MEFV: variants seen among roughly 807,000 people sequenced by gnomAD.
MEFV encodes the protein pyrin.
A neutral mutation model predicts 62.5 loss-of-function variants in MEFV; 60 were observed. The ratio of observed to expected loss-of-function variants is 0.96; its 90% CI spans 0.78 to 1.19. The LOEUF (loss-of-function observed/expected upper bound fraction) is 1.19. Among genes scored for constraint, MEFV ranks in the 50% most tolerant of loss-of-function variants. The pLI is 0.00. For synonymous variants in MEFV, 500 were observed against 415.2 expected (o/e 1.20, Z -2.48); for missense variants, 1,169 against 1,004.5 (o/e 1.16, Z -2.21).
At chr16:3,254,956 C>G (rs1318972179) in intron 1 of MEFV, among the ~76,000 whole-genome samples, 166 bp from the exon 2 acceptor site, 6 of 152,120 alleles carry the variant, frequency 3.9e-5, no homozygotes, top group Non-Finnish European at 8.8e-5. Context: ...TCTGGGAGGC[C>G]GAGGCGGGAG....
rs750968749 is a variant in MEFV, at chr16:3,254,480, C to T, written c.588G>A (p.Gly196=). The change falls in exon 2 of 10, where the codon GGG becomes GGA. Residue 196 remains glycine (G), a synonymous_variant. Transcript: ENST00000219596. ...RSPGPCRALE[G]GQAEVRLRRN... Reference sequence around the variant, plus strand: ...TGCGCAGCCGGACCTCGGCCTGGCCCCCCTCTAGCGCCCTGCAGGGGCCGG... The same window carrying T: ...TGCGCAGCCGGACCTCGGCCTGGCCTCCCTCTAGCGCCCTGCAGGGGCCGG... 2.5e-6 allele frequency: 4 copies of T among 1,592,238 alleles called. No homozygotes were observed. The East Asian group carries it at 6.7e-5, about 27-fold the overall frequency.
At chr16:3,251,338 T>G (rs1313952614) in intron 2 of MEFV, among the ~76,000 whole-genome samples, 1 of 152,160 alleles carries the variant, frequency 6.6e-6, no homozygotes, top group Non-Finnish European at 1.5e-5. Context: ...TAGAAACTTC[T>G]AGAGCTTTCC....
rs224225 is a variant in MEFV, at chr16:3,254,762, A to G, written c.306T>C (p.Asp102=). The G allele has an allele frequency of 0.46, 737,360 of 1,612,084 alleles. 175,423 individuals carry two copies. The highest frequency in any genetic ancestry group is 0.6 in the Admixed American group (35,730 of 60,006). ...QEYSTQENGT[D]DSAASSSLGE... The stretch of plus-strand genomic sequence containing the variant: ...CCAGGGAGCTGGACGCTGCGGAATC[A>G]TCTGTGCCGTTTTCTTGTGTGGAAT... Residue 102 remains aspartate, a synonymous_variant, in exon 2 of 10, where the codon GAT becomes GAC. Coordinates refer to ENST00000219596, the MANE Select transcript of MEFV (RefSeq NM_000243.3).
At chr16:3,251,933 G>T in intron 2 of MEFV, 1 of 336,964 alleles carries the variant, frequency 3.0e-6, no homozygotes, top group Non-Finnish European at 6.1e-6. Flanking sequence ...AAATACAGTG[G>T]GGACCTGGTG....
intron 2 of MEFV, 143 bp downstream of exon 2, chr16:3,254,015 C>A: frequency 1.1e-6 from 1 of 900,432 alleles, no homozygotes; most frequent in Non-Finnish European, 1.8e-6. Flanking sequence ...ACTACATTCA[C>A]CAGGCTGGTC....
intron 2 of MEFV, among the ~76,000 whole-genome samples, chr16:3,253,851 G>C (rs1363776833): frequency 6.6e-6 from 1 of 152,140 alleles, no homozygotes; most frequent in Non-Finnish European, 1.5e-5. Flanking sequence ...GGGTCTCACT[G>C]TGTTGCCTAG....
At chr16:3,248,361 G>A (rs1489011048) in intron 4 of MEFV, 1 of 160,918 alleles carries the variant, frequency 6.2e-6, no homozygotes, top group Non-Finnish European at 1.4e-5. Flanking sequence ...GGAGGCCAAG[G>A]CGGGCGGATC....
At position 3,242,881 on chromosome 16, in the gene MEFV, G is replaced by A. The variant is rs935243727; in HGVS notation, c.*260C>T. The A allele has an allele frequency of 3.7e-5, 19 of 515,252 alleles. No individual in the cohort carries two copies. Among genetic ancestry groups the A allele is most frequent in the Non-Finnish European group, 4.2e-5 (12 of 282,922 alleles). The allele number at this position is 515,252 out of a possible 1,614,324, so 31.9% of individuals were successfully genotyped here. A position where few individuals can be genotyped will look rare whatever the true frequency, so the allele number is the denominator to read the frequency against. On this transcript the variant is annotated 3_prime_UTR_variant, in exon 10 of 10. Coordinates refer to ENST00000219596, the MANE Select transcript of MEFV (RefSeq NM_000243.3). ...AGCACCTGAGAGTGCCACCCACCAG[G>A]GGCGGATTATGCAACGACTCCGTAC... is the stretch of plus-strand genomic sequence containing the variant.
In MEFV at chr16:3,254,657, GC is replaced by G. The variant is rs767006697; in HGVS notation, c.410del (p.Gly137AlafsTer22). 5.0e-6 allele frequency: 8 copies of G among 1,609,620 alleles called. No individual in the cohort carries two copies. The Admixed American group carries it at 8.4e-5, about 17-fold the overall frequency. ...NEGNGPRPYG[G>X]GAASLRCSQP... Reference sequence around the variant, plus strand: ...GGCTGCACCGCAGGCTGGCAGCTCCGCCCCCGTACGGCCGAGGGCCGTTCCC... The same window carrying G: ...GGCTGCACCGCAGGCTGGCAGCTCCGCCCCGTACGGCCGAGGGCCGTTCCC... On this transcript the variant is annotated frameshift_variant, in exon 2 of 10. Coordinates refer to ENST00000219596, the MANE Select transcript of MEFV (RefSeq NM_000243.3). LOFTEE classifies it high-confidence loss of function.
chr16:3,252,015 G>A (rs903261934), intron 2 of MEFV: 22 of 413,304 alleles, frequency 5.3e-5, no homozygotes, highest in African/African-American at 1.2e-4. Context: ...TCAGGAGTTC[G>A]AGACCAACCT....
At chr16:3,244,156 T>C (rs1172912953) in intron 8 of MEFV, 98 bp downstream of exon 8, 2 of 1,159,298 alleles carry the variant, frequency 1.7e-6, no homozygotes, top group East Asian at 3.3e-5. Context: ...GGTGTTTGGT[T>C]TTTTTTTTTG....
Position 3,244,468 on chromosome 16 carries a change from T to C in MEFV, c.1726+5A>G. The C allele has an allele frequency of 2.5e-6, 4 of 1,612,586 alleles. No individual in the cohort carries two copies. The highest frequency in any genetic ancestry group is 3.4e-6 in the Non-Finnish European group (4 of 1,178,632). On this transcript the variant is annotated splice_donor_5th_base_variant and intron_variant, in intron 7 of 9. Coordinates refer to ENST00000219596, the MANE Select transcript of MEFV (RefSeq NM_000243.3). ...CACCTCCAATCTTCTCCCAAGCCCA[T>C]CTACCTGAGAAGTACTTTGTGCTCT...
intron 8 of MEFV, 78 bp from the exon 9 acceptor site, chr16:3,243,970 C>G (rs747068192): frequency 1.0e-5 from 16 of 1,585,294 alleles, no homozygotes; most frequent in Admixed American, 5.5e-5. Context: ...GTCCTGACAA[C>G]AAGGAAAGAC....
Position 3,243,841 on chromosome 16 carries a change from C to A in MEFV, c.1792+19G>T. The A allele has an allele frequency of 6.2e-7, 1 of 1,613,650 alleles. No homozygotes were observed. Among genetic ancestry groups the A allele is most frequent in the Non-Finnish European group, 8.5e-7 (1 of 1,179,780 alleles). On this transcript the variant is annotated intron_variant, in intron 9 of 9. Transcript: ENST00000219596. ...GGATCCAGCAGGCCAGGGCCACTTGCCTTGATCTGGGCACTTACCAGCATG... is the reference window on the plus strand; with the variant it reads ...GGATCCAGCAGGCCAGGGCCACTTGACTTGATCTGGGCACTTACCAGCATG...
rs771915984 is a variant in MEFV at position 3,249,601 on chromosome 16, G to A, written c.1090C>T (p.Pro364Ser). Residue 364 changes from proline to serine, a missense_variant, in exon 3 of 10, where the codon CCG becomes TCG. By Grantham distance (74) the Pro-to-Ser change is moderately conservative. Transcript: ENST00000219596. ...AGGGGCTGGGGGCTTAGGCTTCCCG[G>A]GCTCTTCCTTTCATGGGAGTCCTGG... ...RCQDSHERKS[P>S]GSLSPQPLPQ... 6.2e-7 allele frequency: 1 copy of A among 1,614,148 alleles called. No homozygotes were observed. The highest frequency in any genetic ancestry group is 8.5e-7 in the Non-Finnish European group (1 of 1,180,006).
chr16:3,247,361 C>G (rs1249712740), intron 4 of MEFV, 115 bp from the exon 5 acceptor site: 2 of 787,612 alleles, frequency 2.5e-6, no homozygotes, highest in Non-Finnish European at 4.2e-6. Context: ...CTTATGCTGC[C>G]TCTTCAAGGC....
In MEFV at chr16:3,247,454, T is replaced by G. The variant is rs7185672; in HGVS notation, c.1357-208A>C. On this transcript the variant is annotated intron_variant, in intron 4 of 9. Coordinates refer to ENST00000219596, the MANE Select transcript of MEFV (RefSeq NM_000243.3). ...GGCTGGGGCTAGCTCTGGGAAAATG[T>G]CCTTAAACCTGGTGTTAAGGTTTAA... 3.2e-3 allele frequency: 1,891 copies of G among 592,790 alleles called. 18 individuals carry two copies. Among genetic ancestry groups the G allele is most frequent in the African/African-American group, 0.03 (1,605 of 53,748 alleles). 36.7% of individuals were successfully genotyped at this position (592,790 alleles called of 1,614,324 possible). A position where few individuals can be genotyped will look rare whatever the true frequency, so the allele number is the denominator to read the frequency against.
chr16:3,249,242 C>G (rs1348381898), intron 3 of MEFV, among the ~76,000 whole-genome samples, 189 bp downstream of exon 3: 1 of 152,232 alleles, frequency 6.6e-6, no homozygotes, highest in African/African-American at 2.4e-5. Context: ...CCAGCTCCCC[C>G]TGGATCTCTG....
intron 4 of MEFV, chr16:3,247,858 G>A (rs983280754): frequency 6.8e-6 from 1 of 146,414 alleles, no homozygotes; most frequent in African/African-American, 2.6e-5. Context: ...TGCTTCAACT[G>A]GGGAGGCGAA....
Sources: allele counts gnomAD v4.1 joint callset (sites outside exome capture counted in the v4.1 genomes callset), GRCh38; gene constraint gnomAD v4.1.1; transcripts MANE v1.5; gene names NCBI Gene and HGNC (gene_info 2026-07-23, HGNC 2026-07-21).